CBR3: variants seen among roughly 807,000 people sequenced by gnomAD.
The protein encoded by CBR3 is carbonyl reductase 3, also known as carbonyl reductase [NADPH] 3.
A neutral mutation model predicts 11.6 loss-of-function variants in CBR3; 14 were observed. The ratio of observed to expected loss-of-function variants is 1.20; its 90% CI spans 0.79 to 1.88. CBR3 has a LOEUF of 1.88. Ranked by LOEUF, CBR3 falls within the 40% of genes most tolerant of loss-of-function variation. CBR3 has a pLI of 0.00. For synonymous variants in CBR3, 125 were observed against 145.6 expected, an observed-to-expected ratio of 0.86 and a Z score of 1.02; for missense variants, 308 against 357.3, an observed-to-expected ratio of 0.86 and a Z score of 1.11.
intron 2 of CBR3, among the ~76,000 whole-genome samples, chr21:36,144,389 C>T (rs10470174): frequency 0.35 from 52,636 of 150,690 alleles, 10,087 homozygotes; most frequent in Non-Finnish European, 0.44. Flanking sequence ...TCCTGGGAGG[C>T]GGAGGTTGCA....
intron 2 of CBR3, 54 bp downstream of exon 2, chr21:36,137,986 C>A: frequency 1.0e-6 from 1 of 965,284 alleles, no homozygotes; most frequent in South Asian, 1.3e-5. Context: ...AAGTGGGCTA[C>A]AGGCTTCCCG....
At chr21:36,145,930 T>A (rs934710518) in intron 2 of CBR3, 146 bp from the exon 3 acceptor site, 21 of 619,576 alleles carry the variant, frequency 3.4e-5, no homozygotes, top group Non-Finnish European at 4.8e-5. Context: ...CAGTGCACTC[T>A]AGCCTGGGCA....
rs2065757206 is a variant in CBR3, at chr21:36,146,506, C to T, written c.828C>T (p.Asn276=). 6.3e-7 allele frequency: 1 copy of T among 1,590,542 alleles called. No homozygotes were observed. Among genetic ancestry groups the T allele is most frequent in the Non-Finnish European group, 8.6e-7 (1 of 1,165,552 alleles). ...TGGTCCATGACAAAGTTGTGCAAAA[C>T]TGGTAAACGTCTGCTTCGGAGCTTG... ...GQLVHDKVVQ[N]W Residue 276 remains asparagine (N), a synonymous_variant, in exon 3 of 3, where the codon AAC becomes AAT. Coordinates refer to ENST00000290354, the MANE Select transcript of CBR3 (RefSeq NM_001236.4).
At chr21:36,138,739 CTTTT>C (rs1286149243) in intron 2 of CBR3, 1 of 137,784 alleles carries the variant, frequency 7.3e-6, no homozygotes, top group African/African-American at 2.7e-5. Flanking sequence ...CTTTTTTTTT[CTTTT>C]CTTTTTTTTT....
At position 36,142,389 on chromosome 21, in the gene CBR3, G is replaced by T. The variant is rs45519537; in HGVS notation, c.398-3687G>T. On this transcript the variant is annotated intron_variant, in intron 2 of 2. Transcript: ENST00000290354. The stretch of plus-strand genomic sequence containing the variant: ...GGAGCTTGCAGTGAGCCGAGATCAC[G>T]CCACTGCACTCCAGCCTAGGTGACA... Among the ~76,000 whole-genome samples, 913 of 127,334 alleles carry T rather than the reference G, an allele frequency of 7.2e-3. 15 individuals are homozygous for T. Among genetic ancestry groups the T allele is most frequent in the African/African-American group, 0.027 (859 of 31,874 alleles). 83.5% of individuals were successfully genotyped at this position (127,334 alleles called of 152,430 possible). A position where few individuals can be genotyped will look rare whatever the true frequency, so the allele number is the denominator to read the frequency against.
intron 2 of CBR3, among the ~76,000 whole-genome samples, chr21:36,145,425 T>C (rs1427532236): frequency 6.6e-6 from 1 of 152,176 alleles, no homozygotes; most frequent in Admixed American, 6.5e-5. Context: ...CTGCAATCTC[T>C]ACTTCCTGGA....
chr21:36,145,960 CAAA>C (rs367940562), intron 2 of CBR3, 113 bp from the exon 3 acceptor site: 8,022 of 445,618 alleles, frequency 0.018, no homozygotes, highest in Middle Eastern at 0.023. Context: ...GACTCTGTCT[CAAA>C]AAAAAAAAAA....
At chr21:36,142,405 C>T (rs941029301) in intron 2 of CBR3, among the ~76,000 whole-genome samples, 2 of 109,978 alleles carry the variant, frequency 1.8e-5, no homozygotes, top group African/African-American at 7.5e-5. Flanking sequence ...GCACTCCAGC[C>T]TAGGTGACAG....
Position 36,135,352 on chromosome 21 carries a change from G to A in CBR3, c.160G>A (p.Gly54Ser), listed in dbSNP as rs769497289. The A allele has an allele frequency of 6.2e-7, 1 of 1,612,682 alleles. No individual in the cohort carries two copies. Among genetic ancestry groups the A allele is most frequent in the Non-Finnish European group, 8.5e-7 (1 of 1,179,786 alleles). Residue 54 changes from glycine (G) to serine (S), a missense_variant, in exon 1 of 3, where the codon GGC becomes AGC. Coordinates refer to ENST00000290354, the MANE Select transcript of CBR3 (RefSeq NM_001236.4). ...GGCCGTGCAGCAGCTGCAGGCGGAG[G>A]GCCTGAGCCCGCGCTTCCACCAACT... is the stretch of plus-strand genomic sequence containing the variant. The part of the protein sequence containing the change: ...QAAVQQLQAE[G>S]LSPRFHQLDI...
rs1408777337 is a variant in CBR3, at chr21:36,146,000, CAT to C, written c.398-73_398-72del. 222 of 776,774 alleles carry C rather than the reference CAT, an allele frequency of 2.9e-4. 5 individuals are homozygous for C. Among genetic ancestry groups the C allele is most frequent in the South Asian group, 2.4e-3 (137 of 56,378 alleles). The allele number at this position is 776,774 out of a possible 1,614,324, so 48.1% of individuals were successfully genotyped here. A position where few individuals can be genotyped will look rare whatever the true frequency, so the allele number is the denominator to read the frequency against. ...AAAAAAACCTGCACCAAGACTCAAT[CAT>C]ATGTTTGGTATATTATTCAACCAGT... On this transcript the variant is annotated intron_variant, in intron 2 of 2. Transcript: ENST00000290354.
chr21:36,137,869 A>G lies in CBR3; in HGVS notation c.334A>G (p.Lys112Glu). Reference protein sequence around the residue: ...PFDIKAEMTLKTNFFATRNMC... With the variant: ...PFDIKAEMTLETNFFATRNMC... ...TGACATTAAAGCTGAGATGACACTG[A>G]AGACAAATTTTTTTGCCACTAGAAA... is the stretch of plus-strand genomic sequence containing the variant. Residue 112 changes from lysine (K) to glutamate (E), a missense_variant, in exon 2 of 3, where the codon AAG becomes GAG. Lys to Glu is a moderately conservative substitution (Grantham distance 56). Coordinates refer to ENST00000290354, the MANE Select transcript of CBR3 (RefSeq NM_001236.4). 1.9e-6 allele frequency: 3 copies of G among 1,612,206 alleles called. No individual in the cohort carries two copies. Among genetic ancestry groups the G allele is most frequent in the Non-Finnish European group, 2.5e-6 (3 of 1,178,438 alleles).
chr21:36,146,226 T>G lies in CBR3; in HGVS notation c.548T>G (p.Val183Gly). The change falls in exon 3 of 3, where the codon GTG (valine) becomes GGG (glycine). Residue 183 changes from valine (V) to glycine (G), a missense_variant. Physicochemically the swap from Val to Gly is moderately radical, Grantham distance 109. Transcript: ENST00000290354. ...TTTGTGGAGGACACAAAAAATGAGG[T>G]GCATGAGAGGGAAGGCTGGCCCAAC... is the stretch of plus-strand genomic sequence containing the variant. ...KKFVEDTKNE[V>G]HEREGWPNSP... 1 of 1,613,980 alleles carries G rather than the reference T, an allele frequency of 6.2e-7. No individual in the cohort carries two copies. Among genetic ancestry groups the G allele is most frequent in the South Asian group, 1.1e-5 (1 of 91,066 alleles).
chr21:36,138,681 C>A (rs538449503), intron 2 of CBR3: 1 of 151,944 alleles, frequency 6.6e-6, no homozygotes, highest in Non-Finnish European at 1.5e-5. Flanking sequence ...TCTTCTTATA[C>A]CATACTTTCT....
intron 2 of CBR3, chr21:36,141,775 T>A: frequency 9.2e-6 from 2 of 217,426 alleles, no homozygotes; most frequent in Non-Finnish European, 1.6e-5. Context: ...CGAGGCTGAC[T>A]GTCAGCCTCT....
intron 1 of CBR3, 190 bp downstream of exon 1, chr21:36,135,671 G>A (rs2065653776): frequency 3.4e-6 from 2 of 585,974 alleles, no homozygotes; most frequent in East Asian, 3.3e-5. Context: ...AGGCGGGCCC[G>A]GGCGACAAAC....
intron 2 of CBR3, 92 bp downstream of exon 2, chr21:36,138,024 CAG>C: frequency 1.4e-6 from 1 of 713,724 alleles, no homozygotes; most frequent in Non-Finnish European, 2.6e-6. Context: ...AGAAATCACT[CAG>C]GGGTGCTATT....
intron 2 of CBR3, among the ~76,000 whole-genome samples, chr21:36,140,552 G>T (rs1259069971): frequency 6.6e-6 from 1 of 151,818 alleles, no homozygotes; most frequent in Non-Finnish European, 1.5e-5. Context: ...ATTTTTGAAT[G>T]GGAACTTGAG....
chr21:36,146,009 G>T, intron 2 of CBR3, 67 bp from the exon 3 acceptor site: 4 of 918,362 alleles, frequency 4.4e-6, no homozygotes, highest in Non-Finnish European at 6.8e-6. Flanking sequence ...TCATATGTTT[G>T]GTATATTATT....
chr21:36,146,154 A>G lies in CBR3; in HGVS notation c.476A>G (p.His159Arg). The stretch of plus-strand genomic sequence containing the variant: ...AGTGAAGATCTGCAGGAAAGGTTCC[A>G]CAGTGAGACACTCACAGAAGGAGAC... ...NCSEDLQERF[H>R]SETLTEGDLV... The change falls in exon 3 of 3, where the codon CAC (histidine) becomes CGC (arginine). Residue 159 changes from histidine (H) to arginine (R), a missense_variant. By Grantham distance (29) the His-to-Arg change is conservative. Coordinates refer to ENST00000290354, the MANE Select transcript of CBR3 (RefSeq NM_001236.4). The G allele has an allele frequency of 1.2e-6, 2 of 1,613,924 alleles. No homozygotes were observed. Among genetic ancestry groups the G allele is most frequent in the Non-Finnish European group, 1.7e-6 (2 of 1,179,866 alleles).
Sources: gnomAD v4.1 joint callset for allele counts (sites outside exome capture counted in the v4.1 genomes callset) on GRCh38, gnomAD v4.1.1 for gene constraint, MANE v1.5 for transcripts, NCBI Gene and HGNC (gene_info 2026-07-23, HGNC 2026-07-21) for gene names.